IGF2: variants seen among roughly 807,000 people sequenced by gnomAD.
IGF2 encodes the protein insulin-like growth factor 2.
In IGF2, 2 loss-of-function variants were observed where a neutral mutation model predicts 12.0. The observed-to-expected ratio is 0.17, with a 90% CI of 0.07 to 0.52. The LOEUF (loss-of-function observed/expected upper bound fraction) is 0.52, where lower values mean the gene tolerates loss of function less well. Ranked by LOEUF, IGF2 falls within the 20% of genes least tolerant of loss-of-function variation. The probability of loss-of-function intolerance (pLI) is 0.95; values close to 1 mark genes in which losing one functional copy is unlikely to be tolerated. For synonymous variants in IGF2, 105 were observed against 110.1 expected (o/e 0.95, Z 0.29); for missense variants, 211 against 268.0 (o/e 0.79, Z 1.48).
At position 2,133,793 on chromosome 11, in the gene IGF2, G is replaced by T. The variant is rs563848582; in HGVS notation, c.158-128C>A. ...CTGGAAGGACGCAGCCACCCTGCGG[G>T]TCAGGGGAGGGAAGTGAGAGCTGGC... On this transcript the variant is annotated intron_variant, in intron 2 of 3. Coordinates refer to ENST00000416167, the MANE Select transcript of IGF2 (RefSeq NM_000612.6). The surrounding 1 kb of genome is among the most constrained non-coding windows in gnomAD (Gnocchi z 8.9). 2.2e-5 allele frequency: 25 copies of T among 1,134,380 alleles called. No individual in the cohort carries two copies. Among genetic ancestry groups the T allele is most frequent in the Admixed American group, 7.9e-5 (3 of 38,126 alleles). The allele number at this position is 1,134,380 out of a possible 1,614,324, so 70.3% of individuals were successfully genotyped here. A position where few individuals can be genotyped will look rare whatever the true frequency, so the allele number is the denominator to read the frequency against.
In IGF2 at chr11:2,130,014, A is replaced by G. The variant is rs1858423636; in HGVS notation, c.*2973T>C. 1 of 230,354 alleles carries G rather than the reference A, an allele frequency of 4.3e-6. No homozygotes were observed. Among genetic ancestry groups the G allele is most frequent in the East Asian group, 6.1e-5 (1 of 16,270 alleles). 14.3% of individuals were successfully genotyped at this position (230,354 alleles called of 1,614,324 possible). On this transcript the variant is annotated 3_prime_UTR_variant, in exon 4 of 4. Transcript: ENST00000416167. Reference sequence around the variant, plus strand: ...CCGGCCTCACCCCACCTTGCCCCCAAGAGGTCCCACAGAGCTTCGGACCTC... The same window carrying G: ...CCGGCCTCACCCCACCTTGCCCCCAGGAGGTCCCACAGAGCTTCGGACCTC...
chr11:2,138,273 C>G lies in IGF2; in HGVS notation c.-51G>C. On this transcript the variant is annotated 5_prime_UTR_variant, in exon 1 of 4. Coordinates refer to ENST00000416167, the MANE Select transcript of IGF2 (RefSeq NM_000612.6). Reference sequence around the variant, plus strand: ...CCGCCCACCTCCCTGCTGCGTGTCGCAAACCGAACAGCGGGCGTTGGCCCT... The same window carrying G: ...CCGCCCACCTCCCTGCTGCGTGTCGGAAACCGAACAGCGGGCGTTGGCCCT... The G allele has an allele frequency of 5.1e-6, 5 of 985,192 alleles. No homozygotes were observed. Among genetic ancestry groups the G allele is most frequent in the Non-Finnish European group, 6.0e-6 (5 of 829,800 alleles). 61.0% of individuals were successfully genotyped at this position (985,192 alleles called of 1,614,324 possible).
At chr11:2,144,728 T>C (rs1184247623), upstream of IGF2, among the ~76,000 whole-genome samples, 1 of 143,102 alleles carries the variant, frequency 7.0e-6, no homozygotes, top group Non-Finnish European at 1.5e-5. Context: ...CGTTGGGCAA[T>C]GTCGGGCGAT....
chr11:2,142,572 G>A (rs1321536645), upstream of IGF2, among the ~76,000 whole-genome samples: 1 of 152,206 alleles, frequency 6.6e-6, no homozygotes, highest in East Asian at 1.9e-4. This position sits in a 1 kb window ranked among gnomAD's most constrained non-coding sequence, Gnocchi z 5.7. Flanking sequence ...AGGGCCTGGA[G>A]GGCAGCGTCC....
In IGF2 at chr11:2,131,969, TGTGTGTGC is replaced by T. The variant is rs374501941; in HGVS notation, c.*1010_*1017del. ...CGTGCGTTTGTGTGCTGTGTGTGCATGTGTGTGCGTGTGTGTGCTGTGCGTTTGTGTGT... is the reference window on the plus strand; with the variant it reads ...CGTGCGTTTGTGTGCTGTGTGTGCATGTGTGTGTGCTGTGCGTTTGTGTGT... On this transcript the variant is annotated 3_prime_UTR_variant, in exon 4 of 4. Coordinates refer to ENST00000416167, the MANE Select transcript of IGF2 (RefSeq NM_000612.6). 0.035 allele frequency: 5,717 copies of T among 162,694 alleles called. 406 individuals are homozygous for T. Among genetic ancestry groups the T allele is most frequent in the African/African-American group, 0.16 (5,173 of 32,120 alleles). 10.1% of individuals were successfully genotyped at this position (162,694 alleles called of 1,614,324 possible).
At position 2,133,778 on chromosome 11, in the gene IGF2, GCAGC is replaced by G; in HGVS notation, c.158-117_158-114del. 1 of 1,306,688 alleles carries G rather than the reference GCAGC, an allele frequency of 7.7e-7. No homozygotes were observed. The highest frequency in any genetic ancestry group is 1.1e-6 in the Non-Finnish European group (1 of 947,120). The allele number at this position is 1,306,688 out of a possible 1,614,324, so 80.9% of individuals were successfully genotyped here. A position where few individuals can be genotyped will look rare whatever the true frequency, so the allele number is the denominator to read the frequency against. On this transcript the variant is annotated intron_variant, in intron 2 of 3. Transcript: ENST00000416167. This position sits in a 1 kb window ranked among gnomAD's most constrained non-coding sequence, Gnocchi z 8.9. ...CCCTCAGGCCAGGCCCTGGAAGGAC[GCAGC>G]CACCCTGCGGGTCAGGGGAGGGAAG...
intron 1 of IGF2, among the ~76,000 whole-genome samples, chr11:2,136,048 G>C (rs115057681): frequency 3.3e-4 from 50 of 152,242 alleles, no homozygotes; most frequent in African/African-American, 7.5e-4. Context: ...GAGCAGGGGG[G>C]GTCCAGGAGG....
At chr11:2,137,315 A>G in intron 1 of IGF2, 2 of 960,776 alleles carry the variant, frequency 2.1e-6, no homozygotes, top group Non-Finnish European at 2.5e-6. Context: ...CTCAGCTTTT[A>G]TGTGTGAGCC....
At position 2,133,444 on chromosome 11, in the gene IGF2, A is replaced by G. The variant is rs1024323933; in HGVS notation, c.306+73T>C. On this transcript the variant is annotated intron_variant, in intron 3 of 3. Transcript: ENST00000416167. This position sits in a 1 kb window ranked among gnomAD's most constrained non-coding sequence, Gnocchi z 8.9. The stretch of plus-strand genomic sequence containing the variant: ...CCCTGGCCAAGAGGTCCCAGAGGCC[A>G]CAGGAAACGCTGGGCGCCCGAAGCC... 19 of 1,492,834 alleles carry G rather than the reference A, an allele frequency of 1.3e-5. No homozygotes were observed. The highest frequency in any genetic ancestry group is 1.6e-5 in the Non-Finnish European group (18 of 1,112,124). 92.5% of individuals were successfully genotyped at this position (1,492,834 alleles called of 1,614,324 possible).
chr11:2,131,564 TG>T lies in IGF2; in HGVS notation c.*1422del, dbSNP rs1564891401. 96 of 168,436 alleles carry T rather than the reference TG, an allele frequency of 5.7e-4. No homozygotes were observed. The highest frequency in any genetic ancestry group is 5.5e-3 in the East Asian group (74 of 13,414). The allele number at this position is 168,436 out of a possible 1,614,324, so 10.4% of individuals were successfully genotyped here. A position where few individuals can be genotyped will look rare whatever the true frequency, so the allele number is the denominator to read the frequency against. ...GCTGTGTGTGCATGTGTGTGCTGTG[TG>T]TTTGTGTGTGTGCTGTGTTCATGTG... On this transcript the variant is annotated 3_prime_UTR_variant, in exon 4 of 4. Coordinates refer to ENST00000416167, the MANE Select transcript of IGF2 (RefSeq NM_000612.6).
chr11:2,139,038 CG>C lies in IGF2; in HGVS notation c.-817del, dbSNP rs1351491771. 125 of 351,478 alleles carry C rather than the reference CG, an allele frequency of 3.6e-4. No homozygotes were observed. The highest frequency in any genetic ancestry group is 3.8e-4 in the Non-Finnish European group (118 of 308,236). 21.8% of individuals were successfully genotyped at this position (351,478 alleles called of 1,614,324 possible). A position where few individuals can be genotyped will look rare whatever the true frequency, so the allele number is the denominator to read the frequency against. On this transcript the variant is annotated 5_prime_UTR_variant, in exon 1 of 4. Coordinates refer to ENST00000416167, the MANE Select transcript of IGF2 (RefSeq NM_000612.6). ...AGGGGAGCGGCCCGAGGCTGCGCGC[CG>C]GGGGGAGGGCTGGAGGGGGAGCGCG... is the stretch of plus-strand genomic sequence containing the variant.
chr11:2,133,803 G>T lies in IGF2; in HGVS notation c.158-138C>A. On this transcript the variant is annotated intron_variant, in intron 2 of 3. Coordinates refer to ENST00000416167, the MANE Select transcript of IGF2 (RefSeq NM_000612.6). The surrounding 1 kb of genome is among the most constrained non-coding windows in gnomAD (Gnocchi z 8.9). ...GCAGCCACCCTGCGGGTCAGGGGAG[G>T]GAAGTGAGAGCTGGCAGGCAGAGGC... 1 of 1,024,762 alleles carries T rather than the reference G, an allele frequency of 9.8e-7. No individual in the cohort carries two copies. The highest frequency in any genetic ancestry group is 1.4e-6 in the Non-Finnish European group (1 of 706,596). 63.5% of individuals were successfully genotyped at this position (1,024,762 alleles called of 1,614,324 possible). A position where few individuals can be genotyped will look rare whatever the true frequency, so the allele number is the denominator to read the frequency against.
At chr11:2,140,498 G>A (rs1590131268), upstream of IGF2, 9 of 576,128 alleles carry the variant, frequency 1.6e-5, no homozygotes, top group Non-Finnish European at 2.7e-5. Context: ...CTCCGCGCGC[G>A]CCTCCCGGCG....
At chr11:2,136,596 C>G (rs549134898) in intron 1 of IGF2, among the ~76,000 whole-genome samples, 30 of 152,372 alleles carry the variant, frequency 2.0e-4, no homozygotes, top group Admixed American at 7.2e-4. Context: ...GCCTTCGCTC[C>G]GCAGACCCAG....
upstream of IGF2, among the ~76,000 whole-genome samples, chr11:2,144,064 G>A (rs890511964): frequency 1.4e-5 from 2 of 147,812 alleles, no homozygotes; most frequent in African/African-American, 5.0e-5. Context: ...TTCGTTCTTT[G>A]GGGTTTTTCT....
upstream of IGF2, chr11:2,140,112 G>A (rs770888137): frequency 3.1e-6 from 5 of 1,609,116 alleles, no homozygotes; most frequent in South Asian, 2.2e-5. Context: ...GGATCAGGGC[G>A]GGAAACACAG....
upstream of IGF2, among the ~76,000 whole-genome samples, chr11:2,139,917 C>T (rs565326374): frequency 6.6e-6 from 1 of 152,200 alleles, no homozygotes; most frequent in South Asian, 2.1e-4. Flanking sequence ...CAGCCGCCAC[C>T]TGCCCCAGCA....
At chr11:2,149,499 G>A in the IGF2 span, 1 of 699,226 alleles carries the variant, frequency 1.4e-6, no homozygotes, top group Non-Finnish European at 2.4e-6. Context: ...TCGTTTCCCT[G>A]AGCCCCTCCG....
upstream of IGF2, among the ~76,000 whole-genome samples, chr11:2,144,289 C>T (rs1056146393): frequency 1.3e-5 from 2 of 152,132 alleles, no homozygotes; most frequent in Non-Finnish European, 2.9e-5. Flanking sequence ...CGCCACTGCG[C>T]CCCACTCGCC....
Sources: gnomAD v4.1 joint callset for allele counts (sites outside exome capture counted in the v4.1 genomes callset) on GRCh38, gnomAD v4.1.1 for gene constraint, Gnocchi (gnomAD v3.1) non-coding constraint, MANE v1.5 for transcripts, NCBI Gene and HGNC (gene_info 2026-07-23, HGNC 2026-07-21) for gene names.